IMP3: variants seen among roughly 807,000 people sequenced by gnomAD.
The protein encoded by IMP3 is U3 small nucleolar ribonucleoprotein IMP3.
IMP3 carries 17 observed loss-of-function variants against 10.2 expected under a neutral mutation model. That is an observed-to-expected ratio of 1.67 (90% CI 1.14 to 2.50). The LOEUF is 2.50. IMP3 is among the 30% of genes most tolerant of loss of function. IMP3 has a pLI of 0.00. For missense variants in IMP3, 290 were observed against 260.2 expected, an observed-to-expected ratio of 1.11 and a Z score of -0.79; for synonymous variants, 167 against 120.1, an observed-to-expected ratio of 1.39 and a Z score of -2.55.
rs771717971 is a variant in IMP3, at chr15:75,640,021, G to A, written c.148C>T (p.Gln50Ter). 1.2e-6 allele frequency: 2 copies of A among 1,600,858 alleles called. No individual in the cohort carries two copies. The highest frequency in any genetic ancestry group is 1.7e-6 in the Non-Finnish European group (2 of 1,174,916). Reference sequence around the variant, plus strand: ...AGCTCACGCACGGCACGGCTCAGCTGGTTGTAGCGCGTGTAGTCCTCCCGC... The same window carrying A: ...AGCTCACGCACGGCACGGCTCAGCTAGTTGTAGCGCGTGTAGTCCTCCCGC... ...QRREDYTRYN[Q>*]LSRAVRELAR... The change falls in exon 1 of 1, where the codon CAG becomes TAG. Residue 50 changes from glutamine (Q) to a stop codon, truncating the protein, a stop_gained. Transcript: ENST00000403490. LOFTEE classifies it high-confidence loss of function.
Position 75,639,824 on chromosome 15 carries a change from G to A in IMP3, c.345C>T (p.Leu115=), listed in dbSNP as rs771292465. 6.2e-7 allele frequency: 1 copy of A among 1,611,238 alleles called. No homozygotes were observed. Among genetic ancestry groups the A allele is most frequent in the Non-Finnish European group, 8.5e-7 (1 of 1,179,186 alleles). Residue 115 remains leucine, a synonymous_variant, in exon 1 of 1, where the codon CTC becomes CTT. Transcript: ENST00000403490. The part of the protein sequence containing the change: ...SFCRRRLPTV[L]LKLRMAQHLQ... ...GGTGCTGCGCCATGCGCAGCTTGAG[G>A]AGCACGGTGGGGAGGCGGCGGCGGC...
In IMP3 at chr15:75,640,085, C is replaced by T. The variant is rs1310218081; in HGVS notation, c.84G>A (p.Leu28=). The part of the protein sequence containing the change: ...FLNWEVTDHN[L]HELRVLRRYR... ...AACGCCGCAGCACGCGCAGCTCGTGCAGGTTGTGGTCGGTGACCTCCCAGT... is the reference window on the plus strand; with the variant it reads ...AACGCCGCAGCACGCGCAGCTCGTGTAGGTTGTGGTCGGTGACCTCCCAGT... Residue 28 remains leucine (L), a synonymous_variant, in exon 1 of 1, where the codon CTG becomes CTA. Coordinates refer to ENST00000403490, the MANE Select transcript of IMP3 (RefSeq NM_018285.4). 1 of 1,608,090 alleles carries T rather than the reference C, an allele frequency of 6.2e-7. No individual in the cohort carries two copies. The highest frequency in any genetic ancestry group is 8.5e-7 in the Non-Finnish European group (1 of 1,177,844).
chr15:75,639,995 C>T lies in IMP3; in HGVS notation c.174G>A (p.Leu58=). The change falls in exon 1 of 1, where the codon CTG becomes CTA. Residue 58 remains leucine, a synonymous_variant. Transcript: ENST00000403490. ...CGGGCAGGTCGCGCAGGCGCCGCGC[C>T]AGCTCACGCACGGCACGGCTCAGCT... is the stretch of plus-strand genomic sequence containing the variant. ...YNQLSRAVRE[L]ARRLRDLPER... is the part of the protein sequence containing the mutation. The T allele has an allele frequency of 6.2e-7, 1 of 1,602,246 alleles. No homozygotes were observed. The highest frequency in any genetic ancestry group is 8.5e-7 in the Non-Finnish European group (1 of 1,175,170).
chr15:75,639,525 C>A lies in IMP3; in HGVS notation c.*89G>T. 8.2e-7 allele frequency: 1 copy of A among 1,218,152 alleles called. No homozygotes were observed. The highest frequency in any genetic ancestry group is 1.3e-5 in the South Asian group (1 of 78,762). The allele number at this position is 1,218,152 out of a possible 1,614,324, so 75.5% of individuals were successfully genotyped here. ...CTTAAGAACCTACGACCGTCTGATA[C>A]CCTTGAGGAGAGCACCCTCATAGAA... is the stretch of plus-strand genomic sequence containing the variant. On this transcript the variant is annotated 3_prime_UTR_variant, in exon 1 of 1. Coordinates refer to ENST00000403490, the MANE Select transcript of IMP3 (RefSeq NM_018285.4).
chr15:75,640,165 C>T lies in IMP3; in HGVS notation c.4G>A (p.Val2Met), dbSNP rs546127394. The change falls in exon 1 of 1, where the codon GTG (valine) becomes ATG (methionine). Residue 2 changes from valine (V) to methionine (M), a missense_variant. Transcript: ENST00000403490. Reference protein sequence around the residue: MVRKLKFHEQKL... With the variant: MMRKLKFHEQKL... ...TGCTCGTGGAACTTAAGCTTCCGCA[C>T]CATGATGGCGGCAGCCGCAGCCGCA... The T allele has an allele frequency of 1.3e-5, 19 of 1,519,474 alleles. No individual in the cohort carries two copies. In the South Asian group the frequency reaches 1.4e-4, roughly 11 times the overall value. The allele number at this position is 1,519,474 out of a possible 1,614,324, so 94.1% of individuals were successfully genotyped here.
In IMP3 at chr15:75,640,171, T is replaced by TGGCGGC. The variant is rs1267013980; in HGVS notation, c.-9_-4dup. The TGGCGGC allele has an allele frequency of 7.9e-6, 12 of 1,511,384 alleles. No homozygotes were observed. Among genetic ancestry groups the TGGCGGC allele is most frequent in the African/African-American group, 1.4e-5 (1 of 70,710 alleles). The allele number at this position is 1,511,384 out of a possible 1,614,324, so 93.6% of individuals were successfully genotyped here. A position where few individuals can be genotyped will look rare whatever the true frequency, so the allele number is the denominator to read the frequency against. On this transcript the variant is annotated 5_prime_UTR_variant, in exon 1 of 1. Transcript: ENST00000403490. ...TGGAACTTAAGCTTCCGCACCATGA[T>TGGCGGC]GGCGGCAGCCGCAGCCGCAGGACCC...
Position 75,639,922 on chromosome 15 carries a change from G to C in IMP3, c.247C>G (p.Leu83Val), listed in dbSNP as rs754845602. Residue 83 changes from leucine (L) to valine (V), a missense_variant, in exon 1 of 1, where the codon CTG becomes GTG. Transcript: ENST00000403490. ...GTGGGCACCAAGCCGAGAGCATACA[G>C]CTTGTCCAGCAGCGCGGCCGAAGCG... ...VRASAALLDKLYALGLVPTRG... is the reference protein window; with the variant it reads ...VRASAALLDKVYALGLVPTRG... The C allele has an allele frequency of 3.1e-6, 5 of 1,609,730 alleles. No homozygotes were observed. The Admixed American group carries it at 8.4e-5, about 27-fold the overall frequency.
Position 75,639,849 on chromosome 15 carries a change from CAGA to C in IMP3, c.317_319del (p.Phe106del). 2 of 1,610,970 alleles carry C rather than the reference CAGA, an allele frequency of 1.2e-6. No individual in the cohort carries two copies. The highest frequency in any genetic ancestry group is 2.2e-5 in the South Asian group (2 of 90,896). On this transcript the variant is annotated inframe_deletion, in exon 1 of 1. Coordinates refer to ENST00000403490, the MANE Select transcript of IMP3 (RefSeq NM_018285.4). ...GAGCACGGTGGGGAGGCGGCGGCGG[CAGA>C]AGGACGAGGCCGTGACGAAGTCGCA... is the stretch of plus-strand genomic sequence containing the variant.
In IMP3 at chr15:75,640,074, C is replaced by T. The variant is rs755279577; in HGVS notation, c.95G>A (p.Arg32His). ...EVTDHNLHEL[R>H]VLRRYRLQRR... Reference sequence around the variant, plus strand: ...CTGCAGCCGGTAACGCCGCAGCACGCGCAGCTCGTGCAGGTTGTGGTCGGT... The same window carrying T: ...CTGCAGCCGGTAACGCCGCAGCACGTGCAGCTCGTGCAGGTTGTGGTCGGT... The change falls in exon 1 of 1, where the codon CGC (arginine) becomes CAC (histidine). Residue 32 changes from arginine to histidine, a missense_variant. By Grantham distance (29) the Arg-to-His change is conservative. Transcript: ENST00000403490. The T allele has an allele frequency of 6.2e-7, 1 of 1,608,940 alleles. No homozygotes were observed.
At position 75,640,103 on chromosome 15, in the gene IMP3, C is replaced by T. The variant is rs1217264713; in HGVS notation, c.66G>A (p.Glu22=). The T allele has an allele frequency of 3.7e-6, 6 of 1,600,168 alleles. No homozygotes were observed. The highest frequency in any genetic ancestry group is 5.1e-6 in the Non-Finnish European group (6 of 1,173,366). Residue 22 remains glutamate (E), a synonymous_variant, in exon 1 of 1, where the codon GAG becomes GAA. Transcript: ENST00000403490. The stretch of plus-strand genomic sequence containing the variant: ...GCTCGTGCAGGTTGTGGTCGGTGAC[C>T]TCCCAGTTCAGGAAGTCCACCTGCT... ...LLKQVDFLNW[E]VTDHNLHELR...
chr15:75,640,222 C>G lies in IMP3; in HGVS notation c.-54G>C. ...GAAGCTGAGAGCGCGTTCTGGCATC[C>G]GCGCGATTTCCGCCGCGGCGCCCCA... On this transcript the variant is annotated 5_prime_UTR_variant, in exon 1 of 1. Coordinates refer to ENST00000403490, the MANE Select transcript of IMP3 (RefSeq NM_018285.4). The G allele has an allele frequency of 1.4e-6, 2 of 1,464,540 alleles. No homozygotes were observed. The highest frequency in any genetic ancestry group is 1.8e-6 in the Non-Finnish European group (2 of 1,108,652). The allele number at this position is 1,464,540 out of a possible 1,614,324, so 90.7% of individuals were successfully genotyped here.
rs1195739235 is a variant in IMP3 at position 75,640,217 on chromosome 15, G to A, written c.-49C>T. On this transcript the variant is annotated 5_prime_UTR_variant, in exon 1 of 1. Coordinates refer to ENST00000403490, the MANE Select transcript of IMP3 (RefSeq NM_018285.4). ...GACCCGAAGCTGAGAGCGCGTTCTG[G>A]CATCCGCGCGATTTCCGCCGCGGCG... The A allele has an allele frequency of 2.7e-6, 4 of 1,468,288 alleles. No individual in the cohort carries two copies. Among genetic ancestry groups the A allele is most frequent in the Non-Finnish European group, 1.8e-6 (2 of 1,110,606 alleles). 91.0% of individuals were successfully genotyped at this position (1,468,288 alleles called of 1,614,324 possible). A position where few individuals can be genotyped will look rare whatever the true frequency, so the allele number is the denominator to read the frequency against.
Position 75,639,923 on chromosome 15 carries a change from CTTG to C in IMP3, c.243_245del (p.Asp81_Lys82delinsGlu). 1 of 1,609,870 alleles carries C rather than the reference CTTG, an allele frequency of 6.2e-7. No homozygotes were observed. The highest frequency in any genetic ancestry group is 1.1e-5 in the South Asian group (1 of 90,852). On this transcript the variant is annotated inframe_deletion, in exon 1 of 1. Coordinates refer to ENST00000403490, the MANE Select transcript of IMP3 (RefSeq NM_018285.4). ...TGGGCACCAAGCCGAGAGCATACAG[CTTG>C]TCCAGCAGCGCGGCCGAAGCGCGCA...
In IMP3 at chr15:75,639,550, A is replaced by ATC; in HGVS notation, c.*62_*63dup. The ATC allele has an allele frequency of 6.9e-7, 1 of 1,455,912 alleles. No homozygotes were observed. The highest frequency in any genetic ancestry group is 1.4e-5 in the African/African-American group (1 of 71,966). 90.2% of individuals were successfully genotyped at this position (1,455,912 alleles called of 1,614,324 possible). A position where few individuals can be genotyped will look rare whatever the true frequency, so the allele number is the denominator to read the frequency against. On this transcript the variant is annotated 3_prime_UTR_variant, in exon 1 of 1. Transcript: ENST00000403490. ...CCCTTGAGGAGAGCACCCTCATAGA[A>ATC]TCTCCAGCATCAGGCCTCAGTTTTC...
rs1478524243 is a variant in IMP3, at chr15:75,639,963, T to C, written c.206A>G (p.Asp69Gly). 6.2e-7 allele frequency: 1 copy of C among 1,605,572 alleles called. No individual in the cohort carries two copies. The highest frequency in any genetic ancestry group is 8.5e-7 in the Non-Finnish European group (1 of 1,176,618). The change falls in exon 1 of 1, where the codon GAC (aspartate) becomes GGC (glycine). Residue 69 changes from aspartate (D) to glycine (G), a missense_variant. Asp to Gly is a moderately conservative substitution (Grantham distance 94). Coordinates refer to ENST00000403490, the MANE Select transcript of IMP3 (RefSeq NM_018285.4). Reference sequence around the variant, plus strand: ...GGCCGAAGCGCGCACGCGGAACTGGTCGCGTTCGGGCAGGTCGCGCAGGCG... The same window carrying C: ...GGCCGAAGCGCGCACGCGGAACTGGCCGCGTTCGGGCAGGTCGCGCAGGCG... ...ARRLRDLPER[D>G]QFRVRASAAL... is the part of the protein sequence containing the mutation.
chr15:75,639,968 TTCGGGCAGGTCGCGC>T lies in IMP3; in HGVS notation c.186_200del (p.Leu65_Asp69del). On this transcript the variant is annotated inframe_deletion, in exon 1 of 1. Coordinates refer to ENST00000403490, the MANE Select transcript of IMP3 (RefSeq NM_018285.4). ...AAGCGCGCACGCGGAACTGGTCGCG[TTCGGGCAGGTCGCGC>T]AGGCGCCGCGCCAGCTCACGCACGG... 1.2e-6 allele frequency: 2 copies of T among 1,604,802 alleles called. No individual in the cohort carries two copies. The highest frequency in any genetic ancestry group is 1.1e-5 in the South Asian group (1 of 90,374).
rs1322502560 is a variant in IMP3 at position 75,640,212 on chromosome 15, T to C, written c.-44A>G. The stretch of plus-strand genomic sequence containing the variant: ...CGCAGGACCCGAAGCTGAGAGCGCG[T>C]TCTGGCATCCGCGCGATTTCCGCCG... On this transcript the variant is annotated 5_prime_UTR_variant, in exon 1 of 1. Coordinates refer to ENST00000403490, the MANE Select transcript of IMP3 (RefSeq NM_018285.4). 2 of 1,475,574 alleles carry C rather than the reference T, an allele frequency of 1.4e-6. No homozygotes were observed. Among genetic ancestry groups the C allele is most frequent in the Non-Finnish European group, 1.8e-6 (2 of 1,114,118 alleles). The allele number at this position is 1,475,574 out of a possible 1,614,324, so 91.4% of individuals were successfully genotyped here.
rs112641020 is a variant in IMP3, at chr15:75,639,763, C to T, written c.406G>A (p.Val136Ile). The change falls in exon 1 of 1, where the codon GTA becomes ATA. Residue 136 changes from valine to isoleucine, a missense_variant. Transcript: ENST00000403490. Reference sequence around the variant, plus strand: ...GTAACCACGTCAGGGCCCACGCGTACGTGCCCTTGCTCCACAAAGGCCACG... The same window carrying T: ...GTAACCACGTCAGGGCCCACGCGTATGTGCCCTTGCTCCACAAAGGCCACG... ...AAVAFVEQGH[V>I]RVGPDVVTDP... is the part of the protein sequence containing the mutation. The T allele has an allele frequency of 6.2e-7, 1 of 1,613,324 alleles. No homozygotes were observed.
rs1392422275 is a variant in IMP3, at chr15:75,639,955, G to A, written c.214C>T (p.Arg72Cys). ...AGCAGCGCGGCCGAAGCGCGCACGC[G>A]GAACTGGTCGCGTTCGGGCAGGTCG... Reference protein sequence around the residue: ...LRDLPERDQFRVRASAALLDK... With the variant: ...LRDLPERDQFCVRASAALLDK... Residue 72 changes from arginine (R) to cysteine (C), a missense_variant, in exon 1 of 1, where the codon CGC becomes TGC. Transcript: ENST00000403490. 1.2e-6 allele frequency: 2 copies of A among 1,605,750 alleles called. No homozygotes were observed. Among genetic ancestry groups the A allele is most frequent in the East Asian group, 2.2e-5 (1 of 44,534 alleles).
Sources: allele counts gnomAD v4.1 joint callset, GRCh38; gene constraint gnomAD v4.1.1; transcripts MANE v1.5; gene names NCBI Gene and HGNC (gene_info 2026-07-23, HGNC 2026-07-21).